The following BCAS3 variants were observed in gnomAD, a reference collection of about 807,000 sequenced individuals.
The protein encoded by BCAS3 is BCAS3 microtubule associated cell migration factor.
A neutral mutation model predicts 116.1 loss-of-function variants in BCAS3; 53 were observed. That is an observed-to-expected ratio of 0.46 (90% CI 0.37 to 0.57). BCAS3 has a LOEUF of 0.57. Ranked by LOEUF, BCAS3 falls within the 20% of genes least tolerant of loss-of-function variation. BCAS3 has a pLI of 0.00. For synonymous variants in BCAS3, 391 were observed against 408.2 expected (o/e 0.96, Z 0.51); for missense variants, 917 against 1,165.4 (o/e 0.79, Z 3.10).
intron 22 of BCAS3, among the ~76,000 whole-genome samples, chr17:61,303,707 T>C (rs1360368952): frequency 6.6e-6 from 1 of 152,070 alleles, no homozygotes; most frequent in Non-Finnish European, 1.5e-5. Flanking sequence ...TGAGTCAGAG[T>C]TGATATTTCC....
rs1397081507 is a variant in BCAS3 at position 61,346,857 on chromosome 17, C to T, written c.2426-21470C>T. On this transcript the variant is annotated intron_variant, in intron 22 of 23. Coordinates refer to ENST00000407086, the MANE Select transcript of BCAS3 (RefSeq NM_017679.5). This position sits in a 1 kb window ranked among gnomAD's most constrained non-coding sequence, Gnocchi z 5.4. Reference sequence around the variant, plus strand: ...GGGACTGGTTCCTCATCCAGGGTGACTCCAGGAAGGCTTCCCAGAGGAGCT... The same window carrying T: ...GGGACTGGTTCCTCATCCAGGGTGATTCCAGGAAGGCTTCCCAGAGGAGCT... Among the ~76,000 whole-genome samples the T allele has an allele frequency of 6.6e-6, 1 of 152,194 alleles. No individual in the cohort carries two copies. The highest frequency in any genetic ancestry group is 1.5e-5 in the Non-Finnish European group (1 of 68,036).
At chr17:60,861,267 T>A (rs2054132525) in intron 7 of BCAS3, among the ~76,000 whole-genome samples, 1 of 152,212 alleles carries the variant, frequency 6.6e-6, no homozygotes. Context: ...TGAATGAGAT[T>A]ACTTTCTTGA....
In BCAS3 at chr17:61,222,336, T is replaced by C. The variant is rs1267484505; in HGVS notation, c.2425+137772T>C. On this transcript the variant is annotated intron_variant, in intron 22 of 23. Coordinates refer to ENST00000407086, the MANE Select transcript of BCAS3 (RefSeq NM_017679.5). The surrounding 1 kb of genome is among the most constrained non-coding windows in gnomAD (Gnocchi z 6.1). ...AGTCGAAAAGCAAGAAACTTCGGCT[T>C]GACTAATGAGTATGGTCTTGGTGTG... Among the ~76,000 whole-genome samples, 3 of 152,206 alleles carry C rather than the reference T, an allele frequency of 2.0e-5. No individual in the cohort carries two copies. Among genetic ancestry groups the C allele is most frequent in the Non-Finnish European group, 4.4e-5 (3 of 68,038 alleles).
At chr17:60,915,687 CTT>C (rs372948619) in intron 12 of BCAS3, among the ~76,000 whole-genome samples, 23 of 136,284 alleles carry the variant, frequency 1.7e-4, no homozygotes, top group African/African-American at 3.1e-4. Context: ...TTTTTCTTTT[CTT>C]TTTTTTTTTT....
intron 6 of BCAS3, among the ~76,000 whole-genome samples, chr17:60,805,746 C>T (rs1011901960): frequency 3.6e-4 from 54 of 151,376 alleles, no homozygotes; most frequent in Non-Finnish European, 7.2e-4. Context: ...GAGAATAGCT[C>T]GAACCTGGGA....
intron 4 of BCAS3, among the ~76,000 whole-genome samples, chr17:60,708,944 C>T (rs2037519548): frequency 6.6e-6 from 1 of 152,128 alleles, no homozygotes; most frequent in Admixed American, 6.6e-5. Flanking sequence ...TAGGTGTAAG[C>T]CACCATGCCC....
intron 13 of BCAS3, among the ~76,000 whole-genome samples, chr17:60,935,748 A>G (rs937396085): frequency 2.0e-5 from 3 of 152,114 alleles, no homozygotes; most frequent in South Asian, 2.1e-4. Flanking sequence ...TTAGTTACTT[A>G]CTTTCTGAAC....
intron 22 of BCAS3, among the ~76,000 whole-genome samples, chr17:61,185,773 T>C (rs538767650): frequency 5.9e-5 from 9 of 152,350 alleles, no homozygotes; most frequent in African/African-American, 2.2e-4. Flanking sequence ...AGAAGTCATT[T>C]ATTAAAAAAT....
At chr17:61,201,666 C>T (rs1235454615) in intron 22 of BCAS3, among the ~76,000 whole-genome samples, 1 of 151,984 alleles carries the variant, frequency 6.6e-6, no homozygotes, top group Non-Finnish European at 1.5e-5. Context: ...TCGTGAAGTA[C>T]GTTCCACGTT....
rs1481478948 is a variant in BCAS3 at position 61,171,730 on chromosome 17, C to T, written c.2425+87166C>T. Among the ~76,000 whole-genome samples the T allele has an allele frequency of 3.3e-5, 5 of 152,094 alleles. No homozygotes were observed. The highest frequency in any genetic ancestry group is 9.7e-5 in the African/African-American group (4 of 41,396). On this transcript the variant is annotated intron_variant, in intron 22 of 23. Coordinates refer to ENST00000407086, the MANE Select transcript of BCAS3 (RefSeq NM_017679.5). This position sits in a 1 kb window ranked among gnomAD's most constrained non-coding sequence, Gnocchi z 4.1. ...CAAACTCCTGGGCTCAAGTCATCCTCCTGCTTCAGCCTCCTGAGTAGCTGG... is the reference window on the plus strand; with the variant it reads ...CAAACTCCTGGGCTCAAGTCATCCTTCTGCTTCAGCCTCCTGAGTAGCTGG...
At chr17:61,014,248 C>T (rs2065294516) in intron 15 of BCAS3, among the ~76,000 whole-genome samples, 1 of 152,054 alleles carries the variant, frequency 6.6e-6, no homozygotes, top group Non-Finnish European at 1.5e-5. Flanking sequence ...GGATTACAGG[C>T]ACTGGCTTAT....
rs1264989165 is a variant in BCAS3 at position 61,051,938 on chromosome 17, A to G, written c.2029+11046A>G. Among the ~76,000 whole-genome samples the G allele has an allele frequency of 6.6e-6, 1 of 152,182 alleles. No homozygotes were observed. The highest frequency in any genetic ancestry group is 6.5e-5 in the Admixed American group (1 of 15,276). On this transcript the variant is annotated intron_variant, in intron 19 of 23. Coordinates refer to ENST00000407086, the MANE Select transcript of BCAS3 (RefSeq NM_017679.5). The surrounding 1 kb of genome is among the most constrained non-coding windows in gnomAD (Gnocchi z 4.1). The stretch of plus-strand genomic sequence containing the variant: ...ACAAAGTAGAGGAAATTAATGCAAA[A>G]CAGAAAATACAGGAAAAAAGGAAAA...
intron 14 of BCAS3, among the ~76,000 whole-genome samples, chr17:60,988,978 T>C (rs2063351192): frequency 6.6e-6 from 1 of 152,060 alleles, no homozygotes; most frequent in Non-Finnish European, 1.5e-5. Context: ...GTTAGATTGT[T>C]TATTTGAAGT....
intron 16 of BCAS3, among the ~76,000 whole-genome samples, chr17:61,024,802 T>C: frequency 6.6e-6 from 1 of 152,126 alleles, no homozygotes; most frequent in Non-Finnish European, 1.5e-5. Context: ...AGTTTTTGTT[T>C]CATTTTTGCT....
intron 5 of BCAS3, among the ~76,000 whole-genome samples, chr17:60,728,672 G>T (rs1364372968): frequency 6.6e-6 from 1 of 151,922 alleles, no homozygotes; most frequent in Non-Finnish European, 1.5e-5. Context: ...TAGAGACGGG[G>T]TTTCACCATG....
At chr17:60,807,733 G>T (rs181683926) in intron 6 of BCAS3, among the ~76,000 whole-genome samples, 2 of 149,918 alleles carry the variant, frequency 1.3e-5, no homozygotes, top group Non-Finnish European at 3.0e-5. Context: ...AGTGAGCTGC[G>T]ATCGTGCCAC....
At chr17:60,806,892 A>G (rs1273457480) in intron 6 of BCAS3, among the ~76,000 whole-genome samples, 1 of 152,010 alleles carries the variant, frequency 6.6e-6, no homozygotes, top group African/African-American at 2.4e-5. Flanking sequence ...TCTTGTTCAT[A>G]TTATATTGGT....
At chr17:61,052,006 A>G (rs576405202) in intron 19 of BCAS3, among the ~76,000 whole-genome samples, 8 of 152,238 alleles carry the variant, frequency 5.3e-5, no homozygotes, top group African/African-American at 1.4e-4. Context: ...CATAAAAACA[A>G]TAGAGAAAAA....
intron 22 of BCAS3, among the ~76,000 whole-genome samples, chr17:61,149,632 C>T (rs899343822): frequency 2.0e-5 from 3 of 152,076 alleles, no homozygotes; most frequent in Non-Finnish European, 2.9e-5. Flanking sequence ...TCCTTGGATT[C>T]CAGCAAATGT....
Sources: allele counts gnomAD v4.1 joint callset (sites outside exome capture counted in the v4.1 genomes callset), GRCh38; gene constraint gnomAD v4.1.1; non-coding constraint Gnocchi (gnomAD v3.1); transcripts MANE v1.5; gene names NCBI Gene and HGNC (gene_info 2026-07-23, HGNC 2026-07-21).